MARCHF1: variants seen among roughly 807,000 people sequenced by gnomAD.
The protein encoded by MARCHF1 is membrane associated ring-CH-type finger 1, also known as E3 ubiquitin-protein ligase MARCHF1.
MARCHF1 carries 40 observed loss-of-function variants against 54.2 expected under a neutral mutation model. The observed-to-expected ratio is 0.74, with a 90% CI of 0.57 to 0.96. MARCHF1 has a LOEUF of 0.96. MARCHF1 is among the 40% of genes least tolerant of loss of function. The probability of loss-of-function intolerance (pLI) is 0.00; values close to 1 mark genes in which losing one functional copy is unlikely to be tolerated. For synonymous variants in MARCHF1, 236 were observed against 236.3 expected (o/e 1.00, Z 0.01); for missense variants, 586 against 656.5 (o/e 0.89, Z 1.17).
At chr4:164,034,157 A>G (rs993323155) in intron 2 of MARCHF1, among the ~76,000 whole-genome samples, 4 of 151,770 alleles carry the variant, frequency 2.6e-5, no homozygotes, top group Non-Finnish European at 2.9e-5. Context: ...CAGCCACAAA[A>G]AGGAATGAGA....
intron 2 of MARCHF1, among the ~76,000 whole-genome samples, chr4:164,005,382 C>T (rs1468600489): frequency 2.6e-5 from 4 of 152,238 alleles, no homozygotes; most frequent in African/African-American, 9.6e-5. Flanking sequence ...GCTTCACTCC[C>T]CTTGCCAAAA....
intron 2 of MARCHF1, among the ~76,000 whole-genome samples, chr4:164,093,957 T>C (rs963300564): frequency 1.3e-5 from 2 of 152,170 alleles, no homozygotes; most frequent in African/African-American, 4.8e-5. Context: ...TAATATCATA[T>C]GTTCTGTGTT....
At chr4:163,906,799 G>A (rs565395388) in intron 3 of MARCHF1, among the ~76,000 whole-genome samples, 104 of 147,980 alleles carry the variant, frequency 7.0e-4, no homozygotes, top group Middle Eastern at 3.4e-3. Context: ...ATAGAGACTA[G>A]GTTTCTAAGA....
At chr4:163,637,482 A>T (rs1208270645) in intron 5 of MARCHF1, among the ~76,000 whole-genome samples, 1 of 152,256 alleles carries the variant, frequency 6.6e-6, no homozygotes, top group Non-Finnish European at 1.5e-5. Context: ...GCCAAAAAAC[A>T]TATGAAATAA....
At chr4:164,017,094 T>C (rs1177162621) in intron 2 of MARCHF1, among the ~76,000 whole-genome samples, 1 of 151,924 alleles carries the variant, frequency 6.6e-6, no homozygotes, top group Non-Finnish European at 1.5e-5. Context: ...GCAAAATTGG[T>C]TTAACAATTT....
chr4:163,682,941 T>C (rs1744153388), intron 5 of MARCHF1, among the ~76,000 whole-genome samples: 1 of 152,172 alleles, frequency 6.6e-6, no homozygotes, highest in South Asian at 2.1e-4. Flanking sequence ...ACATAGATAT[T>C]ATAGTTTAGT....
chr4:164,161,545 T>TCAGCAGCAG (rs36007870), intron 1 of MARCHF1, among the ~76,000 whole-genome samples: 1 of 150,788 alleles, frequency 6.6e-6, no homozygotes, highest in Non-Finnish European at 1.5e-5. Context: ...ATCATCATCA[T>TCAGCAGCAG]CAGCAGCAGC....
At chr4:164,178,514 T>C (rs1730749195) in intron 1 of MARCHF1, among the ~76,000 whole-genome samples, 1 of 152,044 alleles carries the variant, frequency 6.6e-6, no homozygotes, top group Non-Finnish European at 1.5e-5. Flanking sequence ...TTTCCTTACC[T>C]CCCTTAACAA....
chr4:164,194,766 G>T (rs11733625), intron 1 of MARCHF1, among the ~76,000 whole-genome samples: 27,001 of 151,968 alleles, frequency 0.18, 2,998 homozygotes, highest in Non-Finnish European at 0.26. Flanking sequence ...AAAGTAAATT[G>T]TGTTATACTA....
chr4:164,136,535 G>C (rs924008458), intron 1 of MARCHF1, among the ~76,000 whole-genome samples: 1 of 152,166 alleles, frequency 6.6e-6, no homozygotes, highest in Non-Finnish European at 1.5e-5. Context: ...GATTGGCTGG[G>C]AGCAGGGAAG....
intron 3 of MARCHF1, among the ~76,000 whole-genome samples, chr4:163,904,559 T>A (rs1477192375): frequency 1.3e-5 from 2 of 152,026 alleles, no homozygotes; most frequent in Non-Finnish European, 2.9e-5. Flanking sequence ...TCTGGGAAAA[T>A]GAGCACAGTT....
At chr4:163,591,200 G>T (rs1281589126) in intron 7 of MARCHF1, among the ~76,000 whole-genome samples, 1 of 151,894 alleles carries the variant, frequency 6.6e-6, no homozygotes, top group Non-Finnish European at 1.5e-5. Context: ...ATGGTCAGAT[G>T]ATTATTTCCT....
chr4:164,244,140 T>A lies in MARCHF1; in HGVS notation c.-322-132478A>T, dbSNP rs1365990419. Among the ~76,000 whole-genome samples the A allele has an allele frequency of 2.0e-5, 3 of 151,816 alleles. No individual in the cohort carries two copies. The East Asian group carries it at 5.8e-4, about 29-fold the overall frequency. On this transcript the variant is annotated intron_variant, in intron 1 of 9. Transcript: ENST00000514618. ...CATCTACAGAACTCTCCACCCCAAATCAACAGAATATACATTTTTTTCAGC... is the reference window on the plus strand; with the variant it reads ...CATCTACAGAACTCTCCACCCCAAAACAACAGAATATACATTTTTTTCAGC...
chr4:164,091,442 T>C (rs1219131271), intron 2 of MARCHF1, among the ~76,000 whole-genome samples: 1 of 106,896 alleles, frequency 9.4e-6, no homozygotes, highest in Non-Finnish European at 2.0e-5. Context: ...ATAAAATGAA[T>C]TGCACGCAGT....
chr4:163,842,980 T>TTA (rs10630683), intron 4 of MARCHF1, among the ~76,000 whole-genome samples: 87,526 of 151,708 alleles, frequency 0.58, 25,307 homozygotes, highest in South Asian at 0.64. Flanking sequence ...GAGTACAGGG[T>TTA]GCAATAGGTA....
intron 4 of MARCHF1, among the ~76,000 whole-genome samples, chr4:163,723,010 T>C (rs1212355110): frequency 1.3e-5 from 2 of 152,326 alleles, no homozygotes; most frequent in Admixed American, 6.5e-5. Flanking sequence ...AAGTGGAGCA[T>C]TTAGCCCATT....
chr4:163,932,868 T>C (rs1751709607), intron 3 of MARCHF1: 1 of 630,036 alleles, frequency 1.6e-6, no homozygotes, highest in Non-Finnish European at 3.1e-6. Context: ...TGGGGTCTTC[T>C]ATCTGAAAAT....
intron 1 of MARCHF1, among the ~76,000 whole-genome samples, chr4:164,203,957 A>C (rs148929490): frequency 6.6e-4 from 101 of 152,338 alleles, no homozygotes; most frequent in African/African-American, 2.3e-3. Flanking sequence ...AATTATAAGG[A>C]ATAAAAATAT....
At chr4:163,912,779 CCA>C (rs1751222868) in intron 3 of MARCHF1, among the ~76,000 whole-genome samples, 1 of 152,124 alleles carries the variant, frequency 6.6e-6, no homozygotes, top group African/African-American at 2.4e-5. Context: ...GGCCTTAACT[CCA>C]GTCTGAAAAC....
Sources: gnomAD v4.1 joint callset for allele counts (sites outside exome capture counted in the v4.1 genomes callset) on GRCh38, gnomAD v4.1.1 for gene constraint, MANE v1.5 for transcripts, NCBI Gene and HGNC (gene_info 2026-07-23, HGNC 2026-07-21) for gene names.